MED9: variants seen among roughly 807,000 people sequenced by gnomAD.
The protein encoded by MED9 is mediator of RNA polymerase II transcription subunit 9.
MED9 carries 8 observed loss-of-function variants against 13.2 expected under a neutral mutation model. The ratio of observed to expected loss-of-function variants is 0.61; its 90% CI spans 0.36 to 1.10. The LOEUF (loss-of-function observed/expected upper bound fraction) is 1.10. Ranked by LOEUF, MED9 falls within the 50% of genes least tolerant of loss-of-function variation. The pLI, the probability that MED9 is intolerant of heterozygous loss-of-function variation, is 0.02. For missense variants in MED9, 180 were observed against 193.4 expected, an observed-to-expected ratio of 0.93 and a Z score of 0.41; for synonymous variants, 87 against 82.8, an observed-to-expected ratio of 1.05 and a Z score of -0.28.
chr17:17,484,198 G>A (rs145408262), intron 1 of MED9, among the ~76,000 whole-genome samples: 84 of 152,332 alleles, frequency 5.5e-4, no homozygotes, highest in Middle Eastern at 3.4e-3. Flanking sequence ...GCTGCCTTGC[G>A]TGATGGTTTT....
chr17:17,483,892 G>A lies in MED9; in HGVS notation c.224+6627G>A, dbSNP rs907614880. Among the ~76,000 whole-genome samples, 7 of 148,372 alleles carry A rather than the reference G, an allele frequency of 4.7e-5. No homozygotes were observed. Among genetic ancestry groups the A allele is most frequent in the African/African-American group, 1.7e-4 (7 of 40,062 alleles). On this transcript the variant is annotated intron_variant, in intron 1 of 1. Transcript: ENST00000268711. This position sits in a 1 kb window ranked among gnomAD's most constrained non-coding sequence, Gnocchi z 4.2. ...GCGGAGGTTGCAGTGAGCCACGATC[G>A]CACCATTGCACTCCAGCCTGGCGAC...
chr17:17,482,656 G>C (rs1905051080), intron 1 of MED9, among the ~76,000 whole-genome samples: 1 of 152,018 alleles, frequency 6.6e-6, no homozygotes, highest in African/African-American at 2.4e-5. Context: ...TTCCCTTATG[G>C]CTTCTGAGTT....
chr17:17,486,443 C>A (rs1033052432), intron 1 of MED9: 2 of 152,858 alleles, frequency 1.3e-5, no homozygotes, highest in African/African-American at 4.8e-5. Context: ...GCCCCGCACT[C>A]GGAGCAGCCG....
At chr17:17,481,337 G>C (rs1350399073) in intron 1 of MED9, among the ~76,000 whole-genome samples, 2 of 152,176 alleles carry the variant, frequency 1.3e-5, no homozygotes, top group East Asian at 3.8e-4. Context: ...GGTAAAATCT[G>C]AAGTAGTGAA....
At chr17:17,487,379 C>G (rs551631707) in intron 1 of MED9, 1 of 155,910 alleles carries the variant, frequency 6.4e-6, no homozygotes, top group East Asian at 1.9e-4. Flanking sequence ...CCACTGCTCA[C>G]TCTTTGGGTC....
chr17:17,485,364 C>T (rs746729055), intron 1 of MED9: 11 of 398,384 alleles, frequency 2.8e-5, no homozygotes, highest in Non-Finnish European at 4.9e-5. Flanking sequence ...GGATTACAGG[C>T]GTGAGCCACC....
intron 1 of MED9, chr17:17,486,119 G>T (rs1597851262): frequency 6.6e-6 from 1 of 151,902 alleles, no homozygotes; most frequent in Admixed American, 6.6e-5. Context: ...TATAACCTTT[G>T]ACCCAGAATC....
chr17:17,487,153 G>A (rs1283758937), intron 1 of MED9: 2 of 152,290 alleles, frequency 1.3e-5, no homozygotes. Context: ...CTAATCTGAT[G>A]GGGACGGGGA....
rs1905229391 is a variant in MED9 at position 17,491,573 on chromosome 17, G to C, written c.*78G>C. 1.5e-6 allele frequency: 2 copies of C among 1,379,166 alleles called. No homozygotes were observed. The highest frequency in any genetic ancestry group is 2.0e-6 in the Non-Finnish European group (2 of 984,222). 85.4% of individuals were successfully genotyped at this position (1,379,166 alleles called of 1,614,324 possible). A position where few individuals can be genotyped will look rare whatever the true frequency, so the allele number is the denominator to read the frequency against. On this transcript the variant is annotated 3_prime_UTR_variant, in exon 2 of 2. Coordinates refer to ENST00000268711, the MANE Select transcript of MED9 (RefSeq NM_018019.3). ...CTACCATCCCCAAACGCTCCTTGGG[G>C]CGTGGTTCCTGTGGACCCCAGCTCA...
intron 1 of MED9, among the ~76,000 whole-genome samples, chr17:17,484,469 C>T (rs1229235068): frequency 6.6e-6 from 1 of 152,220 alleles, no homozygotes; most frequent in African/African-American, 2.4e-5. Flanking sequence ...TGTCTTCTTC[C>T]CACTCAAGTA....
intron 1 of MED9, chr17:17,485,145 C>G: frequency 2.9e-6 from 1 of 339,770 alleles, no homozygotes; most frequent in South Asian, 1.6e-4. Flanking sequence ...TCCCAAGTAG[C>G]TGGGACTACA....
At position 17,491,541 on chromosome 17, in the gene MED9, C is replaced by T; in HGVS notation, c.*46C>T. ...AAAGAGGGGGAAGCCAATGGCCTGT[C>T]TCCCCACTACCATCCCCAAACGCTC... On this transcript the variant is annotated 3_prime_UTR_variant, in exon 2 of 2. Coordinates refer to ENST00000268711, the MANE Select transcript of MED9 (RefSeq NM_018019.3). 3 of 1,519,146 alleles carry T rather than the reference C, an allele frequency of 2.0e-6. No individual in the cohort carries two copies. Among genetic ancestry groups the T allele is most frequent in the South Asian group, 1.1e-5 (1 of 88,896 alleles). The allele number at this position is 1,519,146 out of a possible 1,614,324, so 94.1% of individuals were successfully genotyped here. A position where few individuals can be genotyped will look rare whatever the true frequency, so the allele number is the denominator to read the frequency against.
intron 1 of MED9, among the ~76,000 whole-genome samples, chr17:17,480,679 CAG>C (rs891784125): frequency 4.0e-5 from 6 of 151,534 alleles, no homozygotes; most frequent in African/African-American, 1.2e-4. Flanking sequence ...AGAGAGGAGA[CAG>C]AGAGAGAGAG....
Position 17,477,141 on chromosome 17 carries a change from C to T in MED9, c.100C>T (p.Gln34Ter), listed in dbSNP as rs757530515. ...TGACACCAAGCCGCTGCCGCCTCCT[C>T]AGCCGCCGCCGGTCCCTGCGCCTCA... ...LPDTKPLPPPQPPPVPAPQPQ... is the reference protein window; with the variant it reads ...LPDTKPLPPP Residue 34 changes from glutamine to a stop codon, truncating the protein, a stop_gained, in exon 1 of 2, where the codon CAG becomes TAG. Coordinates refer to ENST00000268711, the MANE Select transcript of MED9 (RefSeq NM_018019.3). LOFTEE classifies it high-confidence loss of function. 6.8e-6 allele frequency: 11 copies of T among 1,607,912 alleles called. No homozygotes were observed. Among genetic ancestry groups the T allele is most frequent in the African/African-American group, 1.3e-5 (1 of 74,922 alleles).
intron 1 of MED9, among the ~76,000 whole-genome samples, chr17:17,481,003 A>G (rs1043000828): frequency 1.3e-5 from 2 of 152,230 alleles, no homozygotes; most frequent in African/African-American, 4.8e-5. Flanking sequence ...ATGTAAGGAC[A>G]CGAAGCCAAG....
rs1177973681 is a variant in MED9, at chr17:17,477,168, C to T, written c.127C>T (p.Pro43Ser). 6.2e-7 allele frequency: 1 copy of T among 1,609,970 alleles called. No individual in the cohort carries two copies. The highest frequency in any genetic ancestry group is 8.5e-7 in the Non-Finnish European group (1 of 1,178,130). The change falls in exon 1 of 2, where the codon CCG becomes TCG. Residue 43 changes from proline (P) to serine (S), a missense_variant. Coordinates refer to ENST00000268711, the MANE Select transcript of MED9 (RefSeq NM_018019.3). ...GCCGCCGCCGGTCCCTGCGCCTCAA[C>T]CGCAGCAGTCGCCGGCGCCACGGCC... ...PQPPPVPAPQPQQSPAPRPQS... is the reference protein window; with the variant it reads ...PQPPPVPAPQSQQSPAPRPQS...
rs898934835 is a variant in MED9, at chr17:17,483,271, C to T, written c.224+6006C>T. ...ATTTGGCTAATTTTTCTTTGTTCTCCATTCTTCTCAAATTGAGCCCAAACT... is the reference window on the plus strand; with the variant it reads ...ATTTGGCTAATTTTTCTTTGTTCTCTATTCTTCTCAAATTGAGCCCAAACT... On this transcript the variant is annotated intron_variant, in intron 1 of 1. Transcript: ENST00000268711. This position sits in a 1 kb window ranked among gnomAD's most constrained non-coding sequence, Gnocchi z 4.2. Among the ~76,000 whole-genome samples the T allele has an allele frequency of 2.0e-5, 3 of 152,276 alleles. No individual in the cohort carries two copies. The highest frequency in any genetic ancestry group is 4.8e-5 in the African/African-American group (2 of 41,554).
Position 17,491,290 on chromosome 17 carries a change from A to G in MED9, c.236A>G (p.Asp79Gly). 1 of 1,613,280 alleles carries G rather than the reference A, an allele frequency of 6.2e-7. No individual in the cohort carries two copies. The highest frequency in any genetic ancestry group is 1.3e-5 in the African/African-American group (1 of 75,024). The change falls in exon 2 of 2, where the codon GAC (aspartate) becomes GGC (glycine). Residue 79 changes from aspartate (D) to glycine (G), a missense_variant. Transcript: ENST00000268711. ...TTCTTCCCCCACAGCATGGACAAGGACAGCCCGGAGGTCCACCAGGACCTG... is the reference window on the plus strand; with the variant it reads ...TTCTTCCCCCACAGCATGGACAAGGGCAGCCCGGAGGTCCACCAGGACCTG... ...VHNIIKCMDK[D>G]SPEVHQDLNA... is the part of the protein sequence containing the mutation.
chr17:17,479,066 A>G (rs1904980600), intron 1 of MED9, among the ~76,000 whole-genome samples: 1 of 152,208 alleles, frequency 6.6e-6, no homozygotes, highest in Admixed American at 6.5e-5. Context: ...CACATTCACA[A>G]GGACAGCTCT....
Sources: allele counts gnomAD v4.1 joint callset (sites outside exome capture counted in the v4.1 genomes callset), GRCh38; gene constraint gnomAD v4.1.1; non-coding constraint Gnocchi (gnomAD v3.1); transcripts MANE v1.5; gene names NCBI Gene and HGNC (gene_info 2026-07-23, HGNC 2026-07-21).